The following ALOX12 variants were observed in gnomAD, a reference collection of about 807,000 sequenced individuals.
ALOX12 encodes the protein arachidonate 12-lipoxygenase, 12S type, also known as polyunsaturated fatty acid lipoxygenase ALOX12.
A neutral mutation model predicts 85.5 loss-of-function variants in ALOX12; 62 were observed. The observed-to-expected ratio is 0.73, with a 90% CI of 0.59 to 0.90. The LOEUF (loss-of-function observed/expected upper bound fraction) is 0.90, where lower values mean the gene tolerates loss of function less well. Among genes scored for constraint, ALOX12 ranks in the 40% least tolerant of loss-of-function variants. The pLI is 0.00. For missense variants in ALOX12, 751 were observed against 856.5 expected, an observed-to-expected ratio of 0.88 and a Z score of 1.54; for synonymous variants, 299 against 332.7, an observed-to-expected ratio of 0.90 and a Z score of 1.10.
At chr17:7,002,510 G>A (rs1397025236) in intron 8 of ALOX12, 2 of 468,992 alleles carry the variant, frequency 4.3e-6, no homozygotes, top group African/African-American at 4.0e-5. Context: ...TTTAAGAGCT[G>A]GGTGTGGTGG....
chr17:7,009,520 C>G, intron 11 of ALOX12: 1 of 516,522 alleles, frequency 1.9e-6, no homozygotes, highest in South Asian at 2.6e-5. Context: ...ATGTAGGTAT[C>G]GTCCATATTT....
At chr17:7,001,455 C>T in intron 7 of ALOX12, 147 bp from the exon 8 acceptor site, 2 of 809,700 alleles carry the variant, frequency 2.5e-6, no homozygotes, top group Non-Finnish European at 4.0e-6. Context: ...AGCTAGCGAG[C>T]GGCAGGCTGG....
chr17:7,000,218 G>A lies in ALOX12; in HGVS notation c.808-118G>A, dbSNP rs2292353. The A allele has an allele frequency of 0.58, 704,224 of 1,206,144 alleles. 207,041 individuals carry two copies. The highest frequency in any genetic ancestry group is 0.68 in the Admixed American group (32,556 of 47,752). 74.7% of individuals were successfully genotyped at this position (1,206,144 alleles called of 1,614,324 possible). On this transcript the variant is annotated intron_variant, in intron 6 of 13. Coordinates refer to ENST00000251535, the MANE Select transcript of ALOX12 (RefSeq NM_000697.3). This position sits in a 1 kb window ranked among gnomAD's most constrained non-coding sequence, Gnocchi z 4.6. ...CAGGGGCTCTAGTTCTCCCAACAGG[G>A]CTCCGGTACTGATGCAGGAGAATGG...
chr17:6,996,692 CG>C (rs1384005226), intron 1 of ALOX12, 133 bp from the exon 2 acceptor site: 23 of 1,122,148 alleles, frequency 2.0e-5, no homozygotes, highest in Non-Finnish European at 2.9e-5. Flanking sequence ...GCAGGTTGTG[CG>C]GGGGCGGGAA....
intron 2 of ALOX12, 83 bp from the exon 3 acceptor site, chr17:6,998,426 G>C: frequency 1.1e-6 from 1 of 901,864 alleles, no homozygotes; most frequent in East Asian, 2.5e-5. Flanking sequence ...CATGGAATAC[G>C]GCTAACCACA....
intron 7 of ALOX12, 112 bp from the exon 8 acceptor site, chr17:7,001,490 A>T: frequency 6.1e-6 from 7 of 1,143,470 alleles, no homozygotes; most frequent in Non-Finnish European, 9.0e-6. Flanking sequence ...CTCCTGCTAG[A>T]CTATAACCTC....
At chr17:7,008,862 A>AT (rs1479660607) in intron 11 of ALOX12, among the ~76,000 whole-genome samples, 1 of 152,188 alleles carries the variant, frequency 6.6e-6, no homozygotes, top group African/African-American at 2.4e-5. Context: ...TCCATGACTT[A>AT]TTCCCCACAT....
At position 6,999,045 on chromosome 17, in the gene ALOX12, G is replaced by C; in HGVS notation, c.635G>C (p.Ser212Thr). ...GATCAGATCTTCTGGGGCCAGAAGA[G>C]TGCCCTGGCTGGTCAGTGGTTCCCC... ...DFDQIFWGQK[S>T]ALAEKVRQCW... is the part of the protein sequence containing the mutation. Residue 212 changes from serine (S) to threonine (T), a missense_variant, in exon 5 of 14, where the codon AGT becomes ACT. By Grantham distance (58) the Ser-to-Thr change is moderately conservative (BLOSUM62 1). Transcript: ENST00000251535. 1 of 1,613,724 alleles carries C rather than the reference G, an allele frequency of 6.2e-7. No individual in the cohort carries two copies. The highest frequency in any genetic ancestry group is 1.7e-4 in the Middle Eastern group (1 of 5,800).
In ALOX12 at chr17:7,000,142, C is replaced by T. The variant is rs529014904; in HGVS notation, c.808-194C>T. 3.0e-4 allele frequency among the ~76,000 whole-genome samples: 45 copies of T among 152,302 alleles called. No individual in the cohort carries two copies. Among genetic ancestry groups the T allele is most frequent in the African/African-American group, 1.1e-3 (45 of 41,550 alleles). On this transcript the variant is annotated intron_variant, in intron 6 of 13. Transcript: ENST00000251535. This position sits in a 1 kb window ranked among gnomAD's most constrained non-coding sequence, Gnocchi z 4.6. ...TCTGCCACCACATCCACACACAAGA[C>T]ATCTACCCTCACCAGACTGTTTCTT...
At chr17:7,009,238 T>G (rs1186893733) in intron 11 of ALOX12, among the ~76,000 whole-genome samples, 1 of 151,968 alleles carries the variant, frequency 6.6e-6, no homozygotes, top group Non-Finnish European at 1.5e-5. Context: ...TTTTCGTATT[T>G]TTAGTAGAGA....
intron 11 of ALOX12, 184 bp from the exon 12 acceptor site, chr17:7,009,563 T>C (rs1909280123): frequency 1.7e-6 from 1 of 587,128 alleles, no homozygotes; most frequent in African/African-American, 1.9e-5. Context: ...TCAAATAGGT[T>C]AAGCTGGCCT....
rs1290838732 is a variant in ALOX12 at position 7,010,430 on chromosome 17, G to A, written c.*7G>A. 6.2e-7 allele frequency: 1 copy of A among 1,609,708 alleles called. No individual in the cohort carries two copies. Among genetic ancestry groups the A allele is most frequent in the East Asian group, 2.2e-5 (1 of 44,836 alleles). On this transcript the variant is annotated 3_prime_UTR_variant, in exon 14 of 14. Coordinates refer to ENST00000251535, the MANE Select transcript of ALOX12 (RefSeq NM_000697.3). ...GAACAGTGTCACCATCTGAGCCCTAGAGTGACTCTACCTGCAAGATTTCAC... is the reference window on the plus strand; with the variant it reads ...GAACAGTGTCACCATCTGAGCCCTAAAGTGACTCTACCTGCAAGATTTCAC...
rs114312186 is a variant in ALOX12 at position 7,005,914 on chromosome 17, G to A, written c.1305G>A (p.Gln435=). The part of the protein sequence containing the change: ...HVQLLRRAAA[Q]LTYCSLCPPD... ...AGTTGCTCCGTCGGGCGGCAGCTCAGCTGACCTACTGCTCCCTCTGTCCTC... is the reference window on the plus strand; with the variant it reads ...AGTTGCTCCGTCGGGCGGCAGCTCAACTGACCTACTGCTCCCTCTGTCCTC... The change falls in exon 10 of 14, where the codon CAG becomes CAA. Residue 435 remains glutamine, a synonymous_variant. Coordinates refer to ENST00000251535, the MANE Select transcript of ALOX12 (RefSeq NM_000697.3). The A allele has an allele frequency of 4.2e-4, 677 of 1,613,744 alleles. 3 individuals carry two copies. In the African/African-American group the frequency reaches 7.4e-3, roughly 18 times the overall value.
chr17:7,009,329 G>A (rs1909268060), intron 11 of ALOX12, among the ~76,000 whole-genome samples: 1 of 152,104 alleles, frequency 6.6e-6, no homozygotes, highest in Non-Finnish European at 1.5e-5. Flanking sequence ...CAAGTGCTGG[G>A]ACTACAGGCG....
intron 11 of ALOX12, among the ~76,000 whole-genome samples, chr17:7,008,238 C>T (rs1386354796): frequency 6.6e-6 from 1 of 152,214 alleles, no homozygotes; most frequent in Non-Finnish European, 1.5e-5. Context: ...ACTTTAACCT[C>T]CACTAACCAC....
At position 6,996,401 on chromosome 17, in the gene ALOX12, G is replaced by A. The variant is rs1011351935; in HGVS notation, c.135+149G>A. 5.0e-6 allele frequency: 5 copies of A among 1,001,524 alleles called. No individual in the cohort carries two copies. In the African/African-American group the frequency reaches 8.4e-5, roughly 17 times the overall value. 62.0% of individuals were successfully genotyped at this position (1,001,524 alleles called of 1,614,324 possible). On this transcript the variant is annotated intron_variant, in intron 1 of 13. Transcript: ENST00000251535. Reference sequence around the variant, plus strand: ...GGGACTTCCACGAAGCTGGGACGAGGTGGGCAAGATTAGGGACAGGGTCCG... The same window carrying A: ...GGGACTTCCACGAAGCTGGGACGAGATGGGCAAGATTAGGGACAGGGTCCG...
intron 11 of ALOX12, among the ~76,000 whole-genome samples, chr17:7,008,203 G>A (rs1763745227): frequency 6.6e-6 from 1 of 152,188 alleles, no homozygotes; most frequent in East Asian, 1.9e-4. Context: ...CGGAGCCAAA[G>A]ACATTCAGTT....
rs761230575 is a variant in ALOX12, at chr17:7,010,168, G to A, written c.1812+42G>A. 46 of 1,598,832 alleles carry A rather than the reference G, an allele frequency of 2.9e-5. No homozygotes were observed. In the South Asian group the frequency reaches 5.0e-4, roughly 18 times the overall value. ...GGGAGAGGGAAATGACAGTTGGAAA[G>A]GAAACATCAGAGTGAGGGGCTGGGC... is the stretch of plus-strand genomic sequence containing the variant. On this transcript the variant is annotated intron_variant, in intron 13 of 13. Coordinates refer to ENST00000251535, the MANE Select transcript of ALOX12 (RefSeq NM_000697.3).
chr17:6,997,042 T>C lies in ALOX12; in HGVS notation c.337+15T>C. ...CGAGGGCACCGGTGAGCAGGCGGCG[T>C]CGGGGAAGGAGGCACAAGGTCTCGG... On this transcript the variant is annotated intron_variant, in intron 2 of 13. Transcript: ENST00000251535. The C allele has an allele frequency of 6.5e-7, 1 of 1,527,286 alleles. No homozygotes were observed. The highest frequency in any genetic ancestry group is 8.8e-7 in the Non-Finnish European group (1 of 1,134,362). 94.6% of individuals were successfully genotyped at this position (1,527,286 alleles called of 1,614,324 possible). A position where few individuals can be genotyped will look rare whatever the true frequency, so the allele number is the denominator to read the frequency against.
Sources: allele counts gnomAD v4.1 joint callset (sites outside exome capture counted in the v4.1 genomes callset), GRCh38; gene constraint gnomAD v4.1.1; non-coding constraint Gnocchi (gnomAD v3.1); transcripts MANE v1.5; gene names NCBI Gene and HGNC (gene_info 2026-07-23, HGNC 2026-07-21).